Variants in CNTNAP3 observed in about 807,000 individuals in gnomAD.
CNTNAP3 encodes the protein contactin associated protein family member 3.
In CNTNAP3, 36 loss-of-function variants were observed where a neutral mutation model predicts 92.1. The observed-to-expected ratio is 0.39, with a 90% CI of 0.30 to 0.52. The LOEUF (loss-of-function observed/expected upper bound fraction) is 0.52. CNTNAP3 is among the 20% of genes least tolerant of loss of function. CNTNAP3 has a pLI of 0.76. For missense variants in CNTNAP3, 534 were observed against 1,069.6 expected, an observed-to-expected ratio of 0.50 and a Z score of 6.98; for synonymous variants, 232 against 422.3, an observed-to-expected ratio of 0.55 and a Z score of 5.53.
In CNTNAP3 at chr9:39,114,298, G is replaced by A. The variant is rs1820802056; in HGVS notation, c.2237+3805C>T. Among the ~76,000 whole-genome samples the A allele has an allele frequency of 2.0e-5, 3 of 151,874 alleles. No homozygotes were observed. In the South Asian group the frequency reaches 6.3e-4, roughly 32 times the overall value. On this transcript the variant is annotated intron_variant, in intron 14 of 23. Coordinates refer to ENST00000297668, the MANE Select transcript of CNTNAP3 (RefSeq NM_033655.5). ...ACGGGGTTTCACCTGTGTTAGCCAGGATGGTCTCGATCTTCTGACCTCGTG... is the reference window on the plus strand; with the variant it reads ...ACGGGGTTTCACCTGTGTTAGCCAGAATGGTCTCGATCTTCTGACCTCGTG...
At chr9:39,161,656 CAATAAT>C (rs4062749) in intron 9 of CNTNAP3, among the ~76,000 whole-genome samples, 1,717 of 124,368 alleles carry the variant, frequency 0.014, 57 homozygotes, top group African/African-American at 0.03. Context: ...TCTCTACAAA[CAATAAT>C]AATAATAATA....
intron 12 of CNTNAP3, among the ~76,000 whole-genome samples, chr9:39,135,871 T>C (rs1371883650): frequency 5.3e-5 from 8 of 152,164 alleles, no homozygotes; most frequent in Non-Finnish European, 1.2e-4. Context: ...GGCTCACGCC[T>C]GTAATCCCAG....
chr9:39,115,455 T>C (rs1172747472), intron 14 of CNTNAP3, among the ~76,000 whole-genome samples: 1 of 150,374 alleles, frequency 6.7e-6, no homozygotes, highest in Non-Finnish European at 1.5e-5. Context: ...ATTTGAAAAA[T>C]TAAAATAGAA....
intron 21 of CNTNAP3, among the ~76,000 whole-genome samples, chr9:39,084,559 T>C (rs1384486570): frequency 6.6e-6 from 1 of 152,164 alleles, no homozygotes; most frequent in African/African-American, 2.4e-5. Flanking sequence ...AGAAATATAT[T>C]GGTAACTTAG....
At position 39,068,917 on chromosome 9, in the gene CNTNAP3, GT is replaced by G. The variant is rs1386397798; in HGVS notation, c.*4972del. On this transcript the variant is annotated 3_prime_UTR_variant, in exon 24 of 24. Coordinates refer to ENST00000297668, the MANE Select transcript of CNTNAP3 (RefSeq NM_033655.5). ...CATATATTTTGTCTGGTTTGAGGTT[GT>G]TTCATGCAGGAGGGTTAGAGGGTAA... Among the ~76,000 whole-genome samples, 29 of 152,050 alleles carry G rather than the reference GT, an allele frequency of 1.9e-4. No individual in the cohort carries two copies. Among genetic ancestry groups the G allele is most frequent in the African/African-American group, 6.5e-4 (27 of 41,256 alleles).
rs746636706 is a variant in CNTNAP3, at chr9:39,085,797, G to T, written c.3381C>A (p.Val1127=). ...VEVNQSTKKQ[V]ILSSGTEFNA... ...TGAATTCTGTCCCTGAGGACAAGAT[G>T]ACTTGTTTCTTTGTGCTCTGGTTAA... is the stretch of plus-strand genomic sequence containing the variant. The change falls in exon 21 of 24, where the codon GTC becomes GTA. Residue 1127 remains valine (V), a synonymous_variant. Coordinates refer to ENST00000297668, the MANE Select transcript of CNTNAP3 (RefSeq NM_033655.5). The T allele has an allele frequency of 1.3e-6, 2 of 1,559,956 alleles. No homozygotes were observed. Among genetic ancestry groups the T allele is most frequent in the Non-Finnish European group, 1.8e-6 (2 of 1,140,846 alleles).
At position 39,100,108 on chromosome 9, in the gene CNTNAP3, CG is replaced by C. The variant is rs1826421185; in HGVS notation, c.2797del (p.Arg933GlyfsTer5). 1 of 1,585,934 alleles carries C rather than the reference CG, an allele frequency of 6.3e-7. No individual in the cohort carries two copies. The highest frequency in any genetic ancestry group is 1.3e-5 in the African/African-American group (1 of 74,260). Reference sequence around the variant, plus strand: ...GGCCACCCCGTTCAACTGCAGAGACCGAATGCATCCTAGAAAGCCTCTCTGT... The same window carrying C: ...GGCCACCCCGTTCAACTGCAGAGACCAATGCATCCTAGAAAGCCTCTCTGT... ...TRQRGFLGCI[R>X]SLQLNGVALD... On this transcript the variant is annotated frameshift_variant, in exon 18 of 24. Transcript: ENST00000297668. LOFTEE classifies it high-confidence loss of function.
intron 13 of CNTNAP3, among the ~76,000 whole-genome samples, chr9:39,123,078 C>T (rs1017183797): frequency 2.0e-5 from 3 of 149,998 alleles, no homozygotes; most frequent in African/African-American, 7.4e-5. Flanking sequence ...AATATCCAAA[C>T]TGTTGGACAA....
intron 4 of CNTNAP3, among the ~76,000 whole-genome samples, chr9:39,179,285 CT>C (rs1822401660): frequency 3.8e-4 from 12 of 31,940 alleles, no homozygotes; most frequent in East Asian, 2.5e-3. Flanking sequence ...CTCTCTCTCT[CT>C]ACACACACAC....
chr9:39,284,632 T>G (rs1372215109), intron 1 of CNTNAP3, among the ~76,000 whole-genome samples: 1 of 4,172 alleles, frequency 2.4e-4, no homozygotes. Flanking sequence ...CATTTTTTGG[T>G]TTTTTTTTTG....
At chr9:39,119,473 T>G (rs1441052078) in intron 13 of CNTNAP3, among the ~76,000 whole-genome samples, 1 of 151,988 alleles carries the variant, frequency 6.6e-6, no homozygotes, top group Non-Finnish European at 1.5e-5. Flanking sequence ...TAAAAATTAA[T>G]ACACTCTTCT....
At chr9:39,120,061 CA>C (rs1820975091) in intron 13 of CNTNAP3, among the ~76,000 whole-genome samples, 1 of 152,152 alleles carries the variant, frequency 6.6e-6, no homozygotes, top group African/African-American at 2.4e-5. Flanking sequence ...AAACTTCCCA[CA>C]TGTGGTGAAA....
intron 18 of CNTNAP3, among the ~76,000 whole-genome samples, chr9:39,091,171 C>CTTCT (rs1554714450): frequency 1.6e-5 from 2 of 128,508 alleles, no homozygotes; most frequent in African/African-American, 5.7e-5. Context: ...TTTTCTTCTT[C>CTTCT]TTTTTTTTTT....
rs1259838301 is a variant in CNTNAP3 at position 39,068,611 on chromosome 9, C to T, written c.*5279G>A. Reference sequence around the variant, plus strand: ...ATGCACTTTGTTACACACTGAAGGGCGACCCTCTCCAGATTTGCAAAGTTT... The same window carrying T: ...ATGCACTTTGTTACACACTGAAGGGTGACCCTCTCCAGATTTGCAAAGTTT... On this transcript the variant is annotated 3_prime_UTR_variant, in exon 24 of 24. Transcript: ENST00000297668. Among the ~76,000 whole-genome samples the T allele has an allele frequency of 1.3e-5, 2 of 152,306 alleles. No homozygotes were observed. The highest frequency in any genetic ancestry group is 6.5e-5 in the Admixed American group (1 of 15,292).
chr9:39,202,427 GACAA>G (rs528042445), intron 3 of CNTNAP3, among the ~76,000 whole-genome samples: 715 of 19,974 alleles, frequency 0.036, 147 homozygotes, highest in African/African-American at 0.06. Context: ...ACCAATAACA[GACAA>G]ACAGAGAGCC....
intron 18 of CNTNAP3, among the ~76,000 whole-genome samples, chr9:39,094,007 G>A (rs1826272955): frequency 6.7e-6 from 1 of 150,306 alleles, no homozygotes; most frequent in Non-Finnish European, 1.5e-5. Context: ...ATTTCTCTAG[G>A]TTCTTGCCAA....
At chr9:39,147,894 C>T (rs1255766213) in intron 10 of CNTNAP3, among the ~76,000 whole-genome samples, 1 of 152,148 alleles carries the variant, frequency 6.6e-6, no homozygotes, top group Non-Finnish European at 1.5e-5. Context: ...AGAAACACTG[C>T]AAATGGATCA....
In CNTNAP3 at chr9:39,096,212, C is replaced by T. The variant is rs1376821053; in HGVS notation, c.2995+3699G>A. 1.5e-5 allele frequency among the ~76,000 whole-genome samples: 2 copies of T among 137,816 alleles called. 1 individual carries two copies. Among genetic ancestry groups the T allele is most frequent in the African/African-American group, 5.3e-5 (2 of 37,938 alleles). The allele number at this position is 137,816 out of a possible 152,430, so 90.4% of individuals were successfully genotyped here. A position where few individuals can be genotyped will look rare whatever the true frequency, so the allele number is the denominator to read the frequency against. On this transcript the variant is annotated intron_variant, in intron 18 of 23. Coordinates refer to ENST00000297668, the MANE Select transcript of CNTNAP3 (RefSeq NM_033655.5). ...GCACTGAAAAGGGTAAGAAATATGA[C>T]ATTATACTTTCTTTTATAATTACCT...
intron 8 of CNTNAP3, among the ~76,000 whole-genome samples, chr9:39,166,474 T>TA (rs925457910): frequency 1.5e-5 from 2 of 131,922 alleles, no homozygotes; most frequent in African/African-American, 5.5e-5. Flanking sequence ...AGTGAGTTGA[T>TA]AAAAAATACG....
Sources: gnomAD v4.1 joint callset for allele counts (sites outside exome capture counted in the v4.1 genomes callset) on GRCh38, gnomAD v4.1.1 for gene constraint, MANE v1.5 for transcripts, NCBI Gene and HGNC (gene_info 2026-07-23, HGNC 2026-07-21) for gene names.